ZNF200: variants seen among roughly 807,000 people sequenced by gnomAD.
ZNF200 encodes the protein zinc finger protein 200.
Under a neutral mutation model 33.6 loss-of-function variants are expected in ZNF200, and 35 were observed. That is an observed-to-expected ratio of 1.04 (90% CI 0.80 to 1.38). ZNF200 has a LOEUF of 1.38. Among genes scored for constraint, ZNF200 ranks in the 40% most tolerant of loss-of-function variants. The pLI, the probability that ZNF200 is intolerant of heterozygous loss-of-function variation, is 0.00. For synonymous variants in ZNF200, 209 were observed against 167.7 expected, an observed-to-expected ratio of 1.25 and a Z score of -1.90; for missense variants, 592 against 470.6, an observed-to-expected ratio of 1.26 and a Z score of -2.39.
chr16:3,232,692 A>G, intron 3 of ZNF200, 141 bp downstream of exon 3: 2 of 1,423,590 alleles, frequency 1.4e-6, no homozygotes, highest in Non-Finnish European at 1.9e-6. Flanking sequence ...AAGACAGGAC[A>G]GCCAGGCTGA....
In ZNF200 at chr16:3,223,829, G is replaced by C. The variant is rs1958392181; in HGVS notation, c.*63C>G. ...CCTTTTTAGGCAGCTTGGGAATTCAGAACTACTTATGAAAGCTCTCAGGTT... is the reference window on the plus strand; with the variant it reads ...CCTTTTTAGGCAGCTTGGGAATTCACAACTACTTATGAAAGCTCTCAGGTT... On this transcript the variant is annotated 3_prime_UTR_variant, in exon 5 of 5. Transcript: ENST00000414144. The C allele has an allele frequency of 6.6e-7, 1 of 1,519,490 alleles. No homozygotes were observed. The highest frequency in any genetic ancestry group is 1.3e-5 in the South Asian group (1 of 75,214). The allele number at this position is 1,519,490 out of a possible 1,614,324, so 94.1% of individuals were successfully genotyped here. A position where few individuals can be genotyped will look rare whatever the true frequency, so the allele number is the denominator to read the frequency against.
intron 4 of ZNF200, among the ~76,000 whole-genome samples, chr16:3,228,451 C>T (rs1303161350): frequency 6.7e-6 from 1 of 150,126 alleles, no homozygotes; most frequent in African/African-American, 2.4e-5. Flanking sequence ...TGATTTTTCT[C>T]CTTTATATAT....
chr16:3,228,663 T>A (rs1273829376), intron 4 of ZNF200, among the ~76,000 whole-genome samples: 1 of 151,996 alleles, frequency 6.6e-6, no homozygotes, highest in South Asian at 2.1e-4. Context: ...CCCAGCTAAC[T>A]TTTGTATATT....
rs1330266899 is a variant in ZNF200, at chr16:3,223,402, T to TA, written c.*489dup. 1 of 153,372 alleles carries TA rather than the reference T, an allele frequency of 6.5e-6. No individual in the cohort carries two copies. The highest frequency in any genetic ancestry group is 1.5e-5 in the Non-Finnish European group (1 of 68,910). The allele number at this position is 153,372 out of a possible 1,614,324, so 9.5% of individuals were successfully genotyped here. On this transcript the variant is annotated 3_prime_UTR_variant, in exon 5 of 5. Transcript: ENST00000414144. ...CACTCAAGACTTAAACAGGTATTCT[T>TA]AGAGGGTTATATGAATTGCTATCAG...
chr16:3,232,525 A>C lies in ZNF200; in HGVS notation c.362T>G (p.Leu121Trp). 1.2e-6 allele frequency: 2 copies of C among 1,613,944 alleles called. No individual in the cohort carries two copies. Among genetic ancestry groups the C allele is most frequent in the Non-Finnish European group, 8.5e-7 (1 of 1,179,994 alleles). Residue 121 changes from leucine (L) to tryptophan (W), a missense_variant, in exon 4 of 5, where the codon TTG becomes TGG. Coordinates refer to ENST00000414144, the MANE Select transcript of ZNF200 (RefSeq NM_198088.3). The stretch of plus-strand genomic sequence containing the variant: ...TTCTTCCTGGCAGTGAAATACATTC[A>C]AATCCTCAAAGACCACCAGCTCCTG... ...NPEELVVFED[L>W]NVFHCQEECV...
Position 3,224,278 on chromosome 16 carries a change from T to G in ZNF200, c.802A>C (p.Ile268Leu). ...GKQFNESSYL[I>L]SHQRTHTGEK... ...CCAGTGTGGGTCCTCTGGTGGGAAA[T>G]GAGGTAAGAACTTTCATTAAACTGT... Residue 268 changes from isoleucine (I) to leucine (L), a missense_variant, in exon 5 of 5, where the codon ATT (isoleucine) becomes CTT (leucine). Transcript: ENST00000414144. 2 of 1,614,102 alleles carry G rather than the reference T, an allele frequency of 1.2e-6. No homozygotes were observed. Among genetic ancestry groups the G allele is most frequent in the Non-Finnish European group, 1.7e-6 (2 of 1,180,016 alleles).
chr16:3,225,275 G>A (rs991405825), intron 4 of ZNF200: 1 of 152,020 alleles, frequency 6.6e-6, no homozygotes, highest in Non-Finnish European at 1.5e-5. Flanking sequence ...GAGAAACCCT[G>A]TCTCTACTAA....
Position 3,223,925 on chromosome 16 carries a change from G to T in ZNF200, c.1155C>A (p.Thr385=), listed in dbSNP as rs1184223389. The change falls in exon 5 of 5, where the codon ACC becomes ACA. Residue 385 remains threonine (T), a synonymous_variant. Coordinates refer to ENST00000414144, the MANE Select transcript of ZNF200 (RefSeq NM_198088.3). ...RLSNCTRHEK[T]HSACKTRKQK ...GCTTTCGGGTCTTACAGGCTGAGTG[G>T]GTTTTCTCATGCCGGGTACAGTTTG... 6.2e-7 allele frequency: 1 copy of T among 1,613,804 alleles called. No individual in the cohort carries two copies. The highest frequency in any genetic ancestry group is 1.7e-5 in the Admixed American group (1 of 59,944).
At position 3,223,396 on chromosome 16, in the gene ZNF200, T is replaced by C. The variant is rs1042671740; in HGVS notation, c.*496A>G. The C allele has an allele frequency of 6.5e-6, 1 of 153,018 alleles. No individual in the cohort carries two copies. Among genetic ancestry groups the C allele is most frequent in the Non-Finnish European group, 1.5e-5 (1 of 68,636 alleles). 9.5% of individuals were successfully genotyped at this position (153,018 alleles called of 1,614,324 possible). ...TTTCAACACTCAAGACTTAAACAGG[T>C]ATTCTTAGAGGGTTATATGAATTGC... is the stretch of plus-strand genomic sequence containing the variant. On this transcript the variant is annotated 3_prime_UTR_variant, in exon 5 of 5. Transcript: ENST00000414144.
Position 3,224,039 on chromosome 16 carries a change from C to G in ZNF200, c.1041G>C (p.Lys347Asn). The G allele has an allele frequency of 6.2e-7, 1 of 1,614,192 alleles. No individual in the cohort carries two copies. The highest frequency in any genetic ancestry group is 8.5e-7 in the Non-Finnish European group (1 of 1,180,048). The change falls in exon 5 of 5, where the codon AAG (lysine) becomes AAC (asparagine). Residue 347 changes from lysine (K) to asparagine (N), a missense_variant. Physicochemically the swap from Lys to Asn is moderately conservative, Grantham distance 94. Coordinates refer to ENST00000414144, the MANE Select transcript of ZNF200 (RefSeq NM_198088.3). ...KCPECGKTFP[K>N]NEEFVLHLQS... The stretch of plus-strand genomic sequence containing the variant: ...GCAGATGAAGCACAAACTCCTCATT[C>G]TTTGGGAAGGTTTTCCCACATTCTG...
At position 3,223,989 on chromosome 16, in the gene ZNF200, T is replaced by C. The variant is rs746001087; in HGVS notation, c.1091A>G (p.Tyr364Cys). Residue 364 changes from tyrosine (Y) to cysteine (C), a missense_variant, in exon 5 of 5, where the codon TAT becomes TGT. Coordinates refer to ENST00000414144, the MANE Select transcript of ZNF200 (RefSeq NM_198088.3). ...HLQSHEAERP[Y>C]GCKKCGRRFG... ...TCTTCTCCCACATTTTTTGCAACCA[T>C]ATGGTCTCTCAGCCTCATGACTCTG... is the stretch of plus-strand genomic sequence containing the variant. 3.1e-6 allele frequency: 5 copies of C among 1,614,142 alleles called. No homozygotes were observed. The highest frequency in any genetic ancestry group is 4.2e-6 in the Non-Finnish European group (5 of 1,180,022).
chr16:3,232,594 G>T, intron 3 of ZNF200, 47 bp from the exon 4 acceptor site: 2 of 1,606,020 alleles, frequency 1.2e-6, no homozygotes, highest in South Asian at 1.1e-5. Context: ...GAGGTTCACT[G>T]ACAGCCCTAC....
intron 4 of ZNF200, among the ~76,000 whole-genome samples, chr16:3,230,525 T>C (rs954901173): frequency 6.6e-6 from 1 of 152,218 alleles, no homozygotes; most frequent in African/African-American, 2.4e-5. Flanking sequence ...TAATAAGAAT[T>C]ATCTTACTGA....
At chr16:3,227,718 T>G (rs1447413153) in intron 4 of ZNF200, 1 of 152,234 alleles carries the variant, frequency 6.6e-6, no homozygotes, top group Non-Finnish European at 1.5e-5. Context: ...CCTTGCTTCC[T>G]CTTGCCTTTG....
At chr16:3,232,127 G>A (rs1171543543) in intron 4 of ZNF200, among the ~76,000 whole-genome samples, 1 of 152,086 alleles carries the variant, frequency 6.6e-6, no homozygotes, top group Admixed American at 6.6e-5. Context: ...TACCTGTTGA[G>A]AACAGAGTTC....
Position 3,222,457 on chromosome 16 carries a change from T to G in ZNF200, c.*1435A>C, listed in dbSNP as rs537662522. 4.6e-5 allele frequency: 7 copies of G among 152,216 alleles called. No homozygotes were observed. The South Asian group carries it at 8.3e-4, about 18-fold the overall frequency. The allele number at this position is 152,216 out of a possible 1,614,324, so 9.4% of individuals were successfully genotyped here. On this transcript the variant is annotated 3_prime_UTR_variant, in exon 5 of 5. Coordinates refer to ENST00000414144, the MANE Select transcript of ZNF200 (RefSeq NM_198088.3). ...TATATAATTAAAAATAACTTTCCCA[T>G]GTAAAAGCAATAATCAACTATAAAA...
intron 4 of ZNF200, among the ~76,000 whole-genome samples, chr16:3,231,481 G>A (rs761406397): frequency 3.9e-5 from 6 of 152,112 alleles, no homozygotes; most frequent in Non-Finnish European, 8.8e-5. Flanking sequence ...AGCCCTGAAG[G>A]CAAAGTAAAA....
intron 4 of ZNF200, among the ~76,000 whole-genome samples, chr16:3,232,072 G>A (rs1457381064): frequency 6.6e-6 from 1 of 152,124 alleles, no homozygotes; most frequent in African/African-American, 2.4e-5. Context: ...AAAGGGGAGG[G>A]GGATTACAAG....
chr16:3,225,918 T>G (rs1243897040), intron 4 of ZNF200: 2 of 151,770 alleles, frequency 1.3e-5, no homozygotes, highest in Non-Finnish European at 2.9e-5. Flanking sequence ...TCACTTTTTT[T>G]TTTTTTTGGC....
Sources: gnomAD v4.1 joint callset for allele counts (sites outside exome capture counted in the v4.1 genomes callset) on GRCh38, gnomAD v4.1.1 for gene constraint, MANE v1.5 for transcripts, NCBI Gene and HGNC (gene_info 2026-07-23, HGNC 2026-07-21) for gene names.